The following WASHC2A variants were observed in gnomAD, a reference collection of about 807,000 sequenced individuals.
WASHC2A encodes the protein WASH complex subunit 2A.
WASHC2A carries 82 observed loss-of-function variants against 140.3 expected under a neutral mutation model. That is an observed-to-expected ratio of 0.58 (90% CI 0.49 to 0.70). The LOEUF is 0.70. Among genes scored for constraint, WASHC2A ranks in the 30% least tolerant of loss-of-function variants. WASHC2A has a pLI of 0.00. For missense variants in WASHC2A, 985 were observed against 1,521.8 expected (o/e 0.65, Z 5.87); for synonymous variants, 340 against 560.8 (o/e 0.61, Z 5.56).
At chr10:50,101,338 C>T (rs1486052535) in intron 17 of WASHC2A, among the ~76,000 whole-genome samples, 13 of 152,308 alleles carry the variant, frequency 8.5e-5, no homozygotes, top group Non-Finnish European at 1.6e-4. Context: ...CAGCTTGCTT[C>T]CTCACTCTTC....
chr10:50,095,595 A>C lies in WASHC2A; in HGVS notation c.1241-4A>C. Reference sequence around the variant, plus strand: ...CTGTGGCTGTCTTGTCTTTCCACCCACAGGAGACACGGATGTGTTTGGTGC... The same window carrying C: ...CTGTGGCTGTCTTGTCTTTCCACCCCCAGGAGACACGGATGTGTTTGGTGC... On this transcript the variant is annotated splice_region_variant and splice_polypyrimidine_tract_variant and intron_variant, in intron 14 of 30. Coordinates refer to ENST00000282633, the MANE Select transcript of WASHC2A (RefSeq NM_001005751.3). The C allele has an allele frequency of 6.2e-7, 1 of 1,611,992 alleles. No individual in the cohort carries two copies. Among genetic ancestry groups the C allele is most frequent in the Non-Finnish European group, 8.5e-7 (1 of 1,179,846 alleles).
rs531366998 is a variant in WASHC2A, at chr10:50,093,355, G to A, written c.1091G>A (p.Gly364Asp). The A allele has an allele frequency of 2.3e-5, 33 of 1,447,428 alleles. 2 individuals are homozygous for A. In the Admixed American group the frequency reaches 4.0e-4, roughly 17 times the overall value. 89.7% of individuals were successfully genotyped at this position (1,447,428 alleles called of 1,614,324 possible). ...FGSGGGLFSGGKGLFDDEDEE... is the reference protein window; with the variant it reads ...FGSGGGLFSGDKGLFDDEDEE... The stretch of plus-strand genomic sequence containing the variant: ...TCTGGAGGTGGCCTGTTCAGTGGGG[G>A]CAAGGGGCTCTTTGATGATGAGGAC... The change falls in exon 12 of 31, where the codon GGC (glycine) becomes GAC (aspartate). Residue 364 changes from glycine to aspartate, a missense_variant. Transcript: ENST00000282633.
chr10:50,079,541 C>T (rs1406198915), intron 4 of WASHC2A, among the ~76,000 whole-genome samples: 3 of 152,266 alleles, frequency 2.0e-5, no homozygotes, highest in East Asian at 1.9e-4. Flanking sequence ...GGACTACAGG[C>T]GTGTGCCACC....
chr10:50,125,948 G>A, intron 25 of WASHC2A, 109 bp from the exon 26 acceptor site: 1 of 1,395,106 alleles, frequency 7.2e-7, no homozygotes. Flanking sequence ...GCCCTCATTT[G>A]AGAAAGTATT....
At chr10:50,101,909 A>T (rs1841228212) in intron 17 of WASHC2A, among the ~76,000 whole-genome samples, 1 of 152,016 alleles carries the variant, frequency 6.6e-6, no homozygotes, top group Admixed American at 6.6e-5. Context: ...TAGTCAGGGA[A>T]GCCGGTCCTC....
Position 50,070,671 on chromosome 10 carries a change from G to A in WASHC2A, c.291+960G>A, listed in dbSNP as rs542393239. On this transcript the variant is annotated intron_variant, in intron 3 of 30. Coordinates refer to ENST00000282633, the MANE Select transcript of WASHC2A (RefSeq NM_001005751.3). ...ATATAAAATAAAGACATTAATAAAG[G>A]TGTTAGAGATCTCTTTGCCAGTTAT... 7.0e-5 allele frequency among the ~76,000 whole-genome samples: 10 copies of A among 143,230 alleles called. 1 individual carries two copies. In the South Asian group the frequency reaches 1.3e-3, roughly 19 times the overall value. 94.0% of individuals were successfully genotyped at this position (143,230 alleles called of 152,430 possible).
At chr10:50,107,641 G>A (rs1841916546) in intron 19 of WASHC2A, among the ~76,000 whole-genome samples, 1 of 152,068 alleles carries the variant, frequency 6.6e-6, no homozygotes, top group Admixed American at 6.6e-5. Flanking sequence ...AGCTTATGCG[G>A]CCGGGCGTGG....
intron 3 of WASHC2A, among the ~76,000 whole-genome samples, chr10:50,076,995 T>C (rs1169477411): frequency 1.4e-4 from 21 of 151,602 alleles, no homozygotes; most frequent in Non-Finnish European, 5.9e-5. Context: ...CAGGCACCTG[T>C]AGTCCCAGCT....
chr10:50,126,776 T>C (rs1427227764), intron 26 of WASHC2A, among the ~76,000 whole-genome samples: 1 of 151,678 alleles, frequency 6.6e-6, no homozygotes, highest in African/African-American at 2.4e-5. Flanking sequence ...GCTCAGATCT[T>C]TTGCTTTTAG....
At chr10:50,079,523 A>C (rs1700388920) in intron 4 of WASHC2A, among the ~76,000 whole-genome samples, 1 of 152,152 alleles carries the variant, frequency 6.6e-6, no homozygotes, top group African/African-American at 2.4e-5. Flanking sequence ...CAGCTTCCCG[A>C]GTAGCTGGGA....
At chr10:50,128,296 C>T (rs2813287) in intron 28 of WASHC2A, among the ~76,000 whole-genome samples, 42,136 of 151,800 alleles carry the variant, frequency 0.28, 6,858 homozygotes, top group Middle Eastern at 0.41. Flanking sequence ...GTCTGTTCTG[C>T]TGCTGCCCAA....
Position 50,126,119 on chromosome 10 carries a change from A to G in WASHC2A, c.2751A>G (p.Lys917=), listed in dbSNP as rs782255782. The G allele has an allele frequency of 5.6e-6, 9 of 1,613,768 alleles. No individual in the cohort carries two copies. Among genetic ancestry groups the G allele is most frequent in the African/African-American group, 1.3e-5 (1 of 74,896 alleles). The part of the protein sequence containing the change: ...DHSVDSFKNQ[K]HPESIQGSKE... ...CTGTTGACTCTTTCAAAAACCAGAA[A>G]CATCCTGAATCCATTCAAGGTAGTA... Residue 917 remains lysine, a synonymous_variant, in exon 26 of 31, where the codon AAA becomes AAG. Transcript: ENST00000282633.
At chr10:50,093,452 T>C (rs1554883644) in intron 12 of WASHC2A, 66 bp downstream of exon 12, 10 of 760,470 alleles carry the variant, frequency 1.3e-5, no homozygotes, top group Admixed American at 6.5e-5. Flanking sequence ...AGGGAAGATA[T>C]AGGCTTTGCT....
At chr10:50,089,161 C>G (rs1232510919) in intron 8 of WASHC2A, among the ~76,000 whole-genome samples, 1 of 144,120 alleles carries the variant, frequency 6.9e-6, no homozygotes, top group Non-Finnish European at 1.5e-5. Context: ...GATGGGGTAT[C>G]GCCATGTTGG....
chr10:50,093,879 C>G lies in WASHC2A; in HGVS notation c.1142C>G (p.Ala381Gly). ...EDEESDLFTE[A>G]PQDRQAGASV... ...AACCAGAGTGACCTCTTCACGGAAG[C>G]CCCCCAGGATCGGCAAGCTGGAGCC... Residue 381 changes from alanine (A) to glycine (G), a missense_variant, in exon 13 of 31, where the codon GCC becomes GGC. Transcript: ENST00000282633. 1 of 1,609,406 alleles carries G rather than the reference C, an allele frequency of 6.2e-7. No homozygotes were observed. The highest frequency in any genetic ancestry group is 8.5e-7 in the Non-Finnish European group (1 of 1,177,754).
chr10:50,112,091 G>A lies in WASHC2A; in HGVS notation c.2040-1804G>A, dbSNP rs1426191370. 10 of 985,086 alleles carry A rather than the reference G, an allele frequency of 1.0e-5. No individual in the cohort carries two copies. In the South Asian group the frequency reaches 3.8e-4, roughly 37 times the overall value. The allele number at this position is 985,086 out of a possible 1,614,324, so 61.0% of individuals were successfully genotyped here. On this transcript the variant is annotated intron_variant, in intron 20 of 30. Coordinates refer to ENST00000282633, the MANE Select transcript of WASHC2A (RefSeq NM_001005751.3). The stretch of plus-strand genomic sequence containing the variant: ...AGAGAAGAAGTAGGGAGTCGAGGGC[G>A]GTCATGGCTCCACCTTCATACCCCA...
At chr10:50,117,619 G>A (rs1483929588) in intron 21 of WASHC2A, among the ~76,000 whole-genome samples, 11 of 149,450 alleles carry the variant, frequency 7.4e-5, no homozygotes, top group African/African-American at 2.7e-4. Context: ...ACTCATAATC[G>A]TCTGGTGGCA....
rs1334301366 is a variant in WASHC2A, at chr10:50,098,321, T to G, written c.1548+519T>G. On this transcript the variant is annotated intron_variant, in intron 16 of 30. Coordinates refer to ENST00000282633, the MANE Select transcript of WASHC2A (RefSeq NM_001005751.3). ...AAATTATCTCGCATATAGTTCATAC[T>G]GCAATTTCCTCTCTTGTCCCCAAAA... is the stretch of plus-strand genomic sequence containing the variant. Among the ~76,000 whole-genome samples, 11 of 152,158 alleles carry G rather than the reference T, an allele frequency of 7.2e-5. 1 individual carries two copies. The highest frequency in any genetic ancestry group is 6.8e-3 in the Middle Eastern group (2 of 294).
chr10:50,102,595 G>A (rs1841314185), intron 17 of WASHC2A, among the ~76,000 whole-genome samples: 1 of 150,930 alleles, frequency 6.6e-6, no homozygotes, highest in South Asian at 2.1e-4. Context: ...GAAAAACACT[G>A]TGTGGAGGAG....
Sources: gnomAD v4.1 joint callset for allele counts (sites outside exome capture counted in the v4.1 genomes callset) on GRCh38, gnomAD v4.1.1 for gene constraint, MANE v1.5 for transcripts, NCBI Gene and HGNC (gene_info 2026-07-23, HGNC 2026-07-21) for gene names.